Variants in MACF1 observed in about 807,000 individuals in gnomAD.
The protein encoded by MACF1 is microtubule-actin cross-linking factor 1.
A neutral mutation model predicts 854.8 loss-of-function variants in MACF1; 193 were observed. The observed-to-expected ratio is 0.23, with a 90% CI of 0.20 to 0.25. The LOEUF is 0.25. Among genes scored for constraint, MACF1 ranks in the 10% least tolerant of loss-of-function variants. The probability of loss-of-function intolerance (pLI) is 1.00; values close to 1 mark genes in which losing one functional copy is unlikely to be tolerated. For synonymous variants in MACF1, 3,185 were observed against 3,226.7 expected (o/e 0.99, Z 0.44); for missense variants, 7,722 against 8,929.1 (o/e 0.86, Z 5.45).
intron 2 of MACF1, among the ~76,000 whole-genome samples, chr1:39,246,947 G>A (rs1644987941): frequency 6.7e-6 from 1 of 150,372 alleles, no homozygotes; most frequent in South Asian, 2.1e-4. Flanking sequence ...TGTTGCCCAA[G>A]CTGGAGTGCA....
chr1:39,152,471 T>C (rs964524715), intron 2 of MACF1, among the ~76,000 whole-genome samples: 1 of 152,172 alleles, frequency 6.6e-6, no homozygotes, highest in African/African-American at 2.4e-5. Context: ...GTACAGAAAA[T>C]GTATAGCAGA....
At chr1:39,425,356 C>T (rs968874226) in intron 61 of MACF1, among the ~76,000 whole-genome samples, 2 of 152,154 alleles carry the variant, frequency 1.3e-5, no homozygotes, top group African/African-American at 2.4e-5. Context: ...TTCCCCTTCC[C>T]ATCCCCCAGC....
chr1:39,088,462 A>G lies in MACF1; in HGVS notation c.220+4024A>G, dbSNP rs368324206. ...CAGTCTGAATCTTCTGTAGTTGACAATCTAAATCTCCACACTCACCTGAGA... is the reference window on the plus strand; with the variant it reads ...CAGTCTGAATCTTCTGTAGTTGACAGTCTAAATCTCCACACTCACCTGAGA... On this transcript the variant is annotated intron_variant, in intron 2 of 93. Coordinates refer to the MACF1 transcript ENST00000361689. Among the ~76,000 whole-genome samples, 91 of 152,314 alleles carry G rather than the reference A, an allele frequency of 6.0e-4. 3 individuals are homozygous for G. In the South Asian group the frequency reaches 0.015, roughly 25 times the overall value.
intron 40 of MACF1, among the ~76,000 whole-genome samples, chr1:39,346,170 T>G (rs902519092): frequency 4.6e-5 from 7 of 151,402 alleles, no homozygotes; most frequent in Non-Finnish European, 7.4e-5. Context: ...GAGACCATCT[T>G]GCTAACACAG....
At chr1:39,454,644 C>CA (rs1190883926) in intron 88 of MACF1, among the ~76,000 whole-genome samples, 2 of 151,902 alleles carry the variant, frequency 1.3e-5, no homozygotes, top group African/African-American at 2.4e-5. Context: ...TACTAAAATA[C>CA]AAAAAATTAG....
At chr1:39,484,479 T>C in intron 99 of MACF1, 122 bp from the exon 100 acceptor site, 2 of 829,240 alleles carry the variant, frequency 2.4e-6, no homozygotes, top group Non-Finnish European at 3.8e-6. Flanking sequence ...TTTGTTTTCC[T>C]GGACTTTTAA....
chr1:39,387,539 G>A lies in MACF1; in HGVS notation c.14697G>A (p.Lys4899=), dbSNP rs374186178. The change falls in exon 58 of 101, where the codon AAG becomes AAA. Residue 4899 remains lysine, a synonymous_variant. Coordinates refer to ENST00000564288, the MANE Select transcript of MACF1 (RefSeq NM_001394062.1). ...KKTADRQSRL[K]DCMQKAQKYQ... is the part of the protein sequence containing the mutation. Reference sequence around the variant, plus strand: ...CTGCAGACAGACAATCCAGGCTCAAGGATTGTATGCAGAAAGCTCAGAAAT... The same window carrying A: ...CTGCAGACAGACAATCCAGGCTCAAAGATTGTATGCAGAAAGCTCAGAAAT... 6.2e-6 allele frequency: 10 copies of A among 1,613,994 alleles called. No individual in the cohort carries two copies. The highest frequency in any genetic ancestry group is 1.3e-5 in the African/African-American group (1 of 74,914).
intron 2 of MACF1, among the ~76,000 whole-genome samples, chr1:39,235,124 A>C (rs59535120): frequency 7.8e-6 from 1 of 129,008 alleles, no homozygotes; most frequent in Non-Finnish European, 1.8e-5. Flanking sequence ...CAGAGGCTGC[A>C]ATCTCGGCAC....
chr1:39,433,088 A>T lies in MACF1; in HGVS notation c.17498A>T (p.Asp5833Val). 6.2e-7 allele frequency: 1 copy of T among 1,612,658 alleles called. No individual in the cohort carries two copies. ...ATTATTCGACACAAAGATTCAATGG[A>T]TGAACTCTTCAGTCACCGTAGTGAA... ...IDIIRHKDSM[D>V]ELFSHRSEIF... The change falls in exon 68 of 101, where the codon GAT becomes GTT. Residue 5833 changes from aspartate (D) to valine (V), a missense_variant. Physicochemically the swap from Asp to Val is radical, Grantham distance 152. Transcript: ENST00000564288.
At chr1:39,249,957 G>C (rs1388236235) in intron 2 of MACF1, 57 bp from the exon 3 acceptor site, 1 of 906,486 alleles carries the variant, frequency 1.1e-6, no homozygotes, top group East Asian at 2.6e-5. Context: ...TTTTTATGTG[G>C]ATAGTATAAT....
chr1:39,252,078 C>G (rs2148334942), intron 4 of MACF1, 137 bp downstream of exon 4: 1 of 496,664 alleles, frequency 2.0e-6, no homozygotes, highest in Middle Eastern at 5.5e-4. Context: ...GAATTTGGGT[C>G]CCAAAGAAAG....
At chr1:39,278,304 C>G (rs1333824285) in intron 6 of MACF1, among the ~76,000 whole-genome samples, 2 of 152,156 alleles carry the variant, frequency 1.3e-5, no homozygotes, top group Non-Finnish European at 2.9e-5. Context: ...TGATGATAAT[C>G]CCATTTTTCT....
chr1:39,119,594 C>A (rs1642642416), intron 2 of MACF1, among the ~76,000 whole-genome samples: 1 of 152,072 alleles, frequency 6.6e-6, no homozygotes, highest in Non-Finnish European at 1.5e-5. Context: ...TTTTCAGCAA[C>A]TTCCAGCACC....
In MACF1 at chr1:39,462,033, A is replaced by G. The variant is rs1644564976; in HGVS notation, c.21674A>G (p.Asp7225Gly). Residue 7225 changes from aspartate to glycine, a missense_variant, in exon 93 of 101, where the codon GAT (aspartate) becomes GGT (glycine). Around this residue, in one of 15 missense-constraint regions of MACF1, gnomAD observed 153 missense variants for 342.5 expected, o/e 0.45. Coordinates refer to ENST00000564288, the MANE Select transcript of MACF1 (RefSeq NM_001394062.1). ...ACAACCGATGCAGATAAAATCGAAGATGAGGTAAGGGAAATAATTATATTT... is the reference window on the plus strand; with the variant it reads ...ACAACCGATGCAGATAAAATCGAAGGTGAGGTAAGGGAAATAATTATATTT... ...RPTTDADKIE[D>G]EVTRQVAQCK... 1 of 1,613,568 alleles carries G rather than the reference A, an allele frequency of 6.2e-7. No individual in the cohort carries two copies. The highest frequency in any genetic ancestry group is 1.7e-5 in the Admixed American group (1 of 59,882).
chr1:39,093,305 CTTTTTTTTTTTTT>C (rs34921076), intron 2 of MACF1, among the ~76,000 whole-genome samples: 1 of 54,122 alleles, frequency 1.8e-5, no homozygotes, highest in African/African-American at 7.1e-5. Flanking sequence ...TACTCCACTT[CTTTTTTTTTTTTT>C]TTTTTTTTTT....
chr1:39,241,311 C>T (rs1198466347), intron 2 of MACF1, among the ~76,000 whole-genome samples: 3 of 152,068 alleles, frequency 2.0e-5, no homozygotes, highest in African/African-American at 4.8e-5. Context: ...GGGCTGCTTA[C>T]GTTTCCTTTT....
chr1:39,235,415 G>A (rs568197984), intron 2 of MACF1, among the ~76,000 whole-genome samples: 6 of 152,370 alleles, frequency 3.9e-5, no homozygotes, highest in Admixed American at 3.3e-4. Context: ...GAATCAGGCA[G>A]GGAGGTTGCA....
At position 39,295,137 on chromosome 1, in the gene MACF1, A is replaced by G. The variant is rs768779483; in HGVS notation, c.2246A>G (p.Lys749Arg). ...ELLSLENHPA[K>R]QTVEAYSAAV... ...CTTTCACTTGAGAACCACCCAGCCA[A>G]GCAGACAGTGGAGGTGTGTGACTTG... The change falls in exon 19 of 101, where the codon AAG (lysine) becomes AGG (arginine). Residue 749 changes from lysine to arginine, a missense_variant. Physicochemically the swap from Lys to Arg is conservative, Grantham distance 26. This residue lies in a region of MACF1 where 1,137 missense variants were observed against 1,263.0 expected (regional missense o/e 0.90). Coordinates refer to ENST00000564288, the MANE Select transcript of MACF1 (RefSeq NM_001394062.1). 6.2e-7 allele frequency: 1 copy of G among 1,613,936 alleles called. No individual in the cohort carries two copies. The highest frequency in any genetic ancestry group is 8.5e-7 in the Non-Finnish European group (1 of 1,179,828).
At chr1:39,417,152 T>C (rs187601155) in intron 58 of MACF1, among the ~76,000 whole-genome samples, 51 of 152,328 alleles carry the variant, frequency 3.3e-4, no homozygotes, top group African/African-American at 1.1e-3. Context: ...AGTGCAGACA[T>C]GGATACATGG....
Sources: gnomAD v4.1 joint callset for allele counts (sites outside exome capture counted in the v4.1 genomes callset) on GRCh38, gnomAD v4.1.1 for gene constraint, gnomAD v4.1.1 regional missense constraint, MANE v1.5 for transcripts, NCBI Gene and HGNC (gene_info 2026-07-23, HGNC 2026-07-21) for gene names.